The following ZNF783 variants were observed in gnomAD, a reference collection of about 807,000 sequenced individuals.
ZNF783 encodes the protein zinc finger protein 783, also known as protein ZNF783.
ZNF783 carries 25 observed loss-of-function variants against 31.3 expected under a neutral mutation model. The ratio of observed to expected loss-of-function variants is 0.80; its 90% confidence interval spans 0.58 to 1.11. The LOEUF is 1.11. Ranked by LOEUF, ZNF783 falls within the 50% of genes most tolerant of loss-of-function variation. The probability of loss-of-function intolerance (pLI) is 0.00; values close to 1 mark genes in which losing one functional copy is unlikely to be tolerated. For synonymous variants in ZNF783, 369 were observed against 319.1 expected (o/e 1.16, Z -1.66); for missense variants, 797 against 760.0 (o/e 1.05, Z -0.57).
In ZNF783 at chr7:149,266,586, G is replaced by C; in HGVS notation, c.276G>C (p.Leu92=). Reference sequence around the variant, plus strand: ...CAGCTGTGGAGTTCGGGAACCAGCTGGAGGGCAAGTGGGCCGTGCTGGGGA... The same window carrying C: ...CAGCTGTGGAGTTCGGGAACCAGCTCGAGGGCAAGTGGGCCGTGCTGGGGA... ...EKTAVEFGNQ[L]EGKWAVLGTL... is the part of the protein sequence containing the mutation. Residue 92 remains leucine (L), a synonymous_variant, in exon 2 of 6, where the codon CTG becomes CTC. Transcript: ENST00000434415. The C allele has an allele frequency of 6.2e-7, 1 of 1,614,216 alleles. No individual in the cohort carries two copies. The highest frequency in any genetic ancestry group is 8.5e-7 in the Non-Finnish European group (1 of 1,180,052).
In ZNF783 at chr7:149,282,007, G is replaced by A. The variant is rs778999705; in HGVS notation, c.1305G>A (p.Met435Ile). The change falls in exon 6 of 6, where the codon ATG (methionine) becomes ATA (isoleucine). Residue 435 changes from methionine to isoleucine, a missense_variant. Met to Ile is a conservative substitution (Grantham distance 10, BLOSUM62 1). Coordinates refer to ENST00000434415, the MANE Select transcript of ZNF783 (RefSeq NM_001195220.2). ...LVGRRPAASKMYHCSECLRFF... is the reference protein window; with the variant it reads ...LVGRRPAASKIYHCSECLRFF... ...GGCGGCGGCCTGCAGCCAGCAAGAT[G>A]TACCACTGCAGCGAGTGCCTGCGCT... 9 of 1,583,812 alleles carry A rather than the reference G, an allele frequency of 5.7e-6. No individual in the cohort carries two copies. Among genetic ancestry groups the A allele is most frequent in the Middle Eastern group, 3.3e-4 (2 of 5,982 alleles).
In ZNF783 at chr7:149,266,835, A is replaced by G; in HGVS notation, c.437A>G (p.Asp146Gly). 6.2e-7 allele frequency: 1 copy of G among 1,613,980 alleles called. No individual in the cohort carries two copies. Among genetic ancestry groups the G allele is most frequent in the Non-Finnish European group, 8.5e-7 (1 of 1,180,004 alleles). Residue 146 changes from aspartate (D) to glycine (G), a missense_variant, in exon 3 of 6, where the codon GAT (aspartate) becomes GGT (glycine). By Grantham distance (94) the Asp-to-Gly change is moderately conservative (BLOSUM62 -1). Coordinates refer to ENST00000434415, the MANE Select transcript of ZNF783 (RefSeq NM_001195220.2). ...TGGTTCCAGGTGCCCGTGACCTTCGATGATGTGGCCGTGTATTTCTCTGAG... is the reference window on the plus strand; with the variant it reads ...TGGTTCCAGGTGCCCGTGACCTTCGGTGATGTGGCCGTGTATTTCTCTGAG... ...GEAPKVPVTFDDVAVYFSELE... is the reference protein window; with the variant it reads ...GEAPKVPVTFGDVAVYFSELE...
Position 149,281,979 on chromosome 7 carries a change from TG to T in ZNF783, c.1281del (p.Arg428GlyfsTer137). 1 of 1,573,550 alleles carries T rather than the reference TG, an allele frequency of 6.4e-7. No homozygotes were observed. Among genetic ancestry groups the T allele is most frequent in the Non-Finnish European group, 8.6e-7 (1 of 1,167,776 alleles). ...RRSVAGGRAL[V>X]GRRPAASKMY... Reference sequence around the variant, plus strand: ...TCCGTGGCAGGGGGCCGTGCCTTGGTGGGGCGGCGGCCTGCAGCCAGCAAGA... The same window carrying T: ...TCCGTGGCAGGGGGCCGTGCCTTGGTGGGCGGCGGCCTGCAGCCAGCAAGA... On this transcript the variant is annotated frameshift_variant, in exon 6 of 6. Transcript: ENST00000434415. LOFTEE classifies it low-confidence loss of function (END_TRUNC).
At position 149,281,982 on chromosome 7, in the gene ZNF783, G is replaced by A. The variant is rs766989269; in HGVS notation, c.1280G>A (p.Gly427Glu). 4 of 1,575,406 alleles carry A rather than the reference G, an allele frequency of 2.5e-6. No individual in the cohort carries two copies. Among genetic ancestry groups the A allele is most frequent in the Non-Finnish European group, 2.6e-6 (3 of 1,168,952 alleles). Residue 427 changes from glycine to glutamate, a missense_variant, in exon 6 of 6, where the codon GGG becomes GAG. Physicochemically the swap from Gly to Glu is moderately conservative, Grantham distance 98. Transcript: ENST00000434415. ...GTGGCAGGGGGCCGTGCCTTGGTGG[G>A]GCGGCGGCCTGCAGCCAGCAAGATG... The part of the protein sequence containing the change: ...RSVAGGRALV[G>E]RRPAASKMYH...
At chr7:149,272,213 T>C (rs1797224699) in intron 4 of ZNF783, among the ~76,000 whole-genome samples, 1 of 152,062 alleles carries the variant, frequency 6.6e-6, no homozygotes, top group Non-Finnish European at 1.5e-5. Flanking sequence ...CGGGGTTTCA[T>C]CATGTTGGCC....
chr7:149,264,954 G>C (rs141065893), intron 1 of ZNF783, among the ~76,000 whole-genome samples: 4 of 132,756 alleles, frequency 3.0e-5, no homozygotes. Flanking sequence ...AGGGGAGAAG[G>C]CTGGAAGTGG....
Position 149,262,216 on chromosome 7 carries a change from C to G in ZNF783, c.-118C>G, listed in dbSNP as rs922124656. On this transcript the variant is annotated 5_prime_UTR_variant, in exon 1 of 6. Coordinates refer to ENST00000434415, the MANE Select transcript of ZNF783 (RefSeq NM_001195220.2). The stretch of plus-strand genomic sequence containing the variant: ...GGCTCGGGACGCAGTTCGCTGCCGC[C>G]CGGCAGTAGCTCTCAGGTTAGGCGG... 1.0e-6 allele frequency: 1 copy of G among 954,138 alleles called. No homozygotes were observed. The highest frequency in any genetic ancestry group is 1.4e-6 in the Non-Finnish European group (1 of 727,094). The allele number at this position is 954,138 out of a possible 1,614,324, so 59.1% of individuals were successfully genotyped here. A position where few individuals can be genotyped will look rare whatever the true frequency, so the allele number is the denominator to read the frequency against.
In ZNF783 at chr7:149,278,415, A is replaced by G. The variant is rs1585619125; in HGVS notation, c.690A>G (p.Pro230=). The stretch of plus-strand genomic sequence containing the variant: ...ATTCTCCAGGCCTCCCTCCGTATCC[A>G]GAGCACCTCACCAGCCCACTTAGCC... ...RMMGTGLPPY[P]EHLTSPLSPA... Residue 230 remains proline (P), a synonymous_variant, in exon 5 of 6, where the codon CCA becomes CCG. Transcript: ENST00000434415. The G allele has an allele frequency of 1.3e-6, 2 of 1,599,388 alleles. No homozygotes were observed. Among genetic ancestry groups the G allele is most frequent in the East Asian group, 2.2e-5 (1 of 44,854 alleles).
At chr7:149,263,040 T>C (rs1300800104) in intron 1 of ZNF783, among the ~76,000 whole-genome samples, 12 of 152,028 alleles carry the variant, frequency 7.9e-5, no homozygotes, top group Admixed American at 6.5e-4. Flanking sequence ...GGGATTCTCC[T>C]GCCTCAGCCT....
chr7:149,278,597 G>C (rs1797388439), intron 5 of ZNF783, 70 bp downstream of exon 5: 8 of 1,587,048 alleles, frequency 5.0e-6, no homozygotes, highest in Non-Finnish European at 6.8e-6. Flanking sequence ...AAGCGATGGT[G>C]CTGAGGAAAA....
At chr7:149,267,936 A>G (rs12704091) in intron 4 of ZNF783, among the ~76,000 whole-genome samples, 80,342 of 152,030 alleles carry the variant, frequency 0.53, 21,438 homozygotes, top group African/African-American at 0.57. Flanking sequence ...GCAGGAAGGC[A>G]TGTCACGTGC....
chr7:149,278,275 C>T, intron 4 of ZNF783, 124 bp from the exon 5 acceptor site: 1 of 1,494,578 alleles, frequency 6.7e-7, no homozygotes, highest in East Asian at 2.5e-5. Flanking sequence ...ACCTCACTAT[C>T]ATGCCCTGTG....
chr7:149,278,313 G>C, intron 4 of ZNF783, 86 bp from the exon 5 acceptor site: 1 of 1,570,164 alleles, frequency 6.4e-7, no homozygotes, highest in Non-Finnish European at 8.6e-7. Context: ...GGATCGCAGT[G>C]ACTCTGCCTT....
chr7:149,268,390 T>A (rs571222624), intron 4 of ZNF783, among the ~76,000 whole-genome samples: 1 of 152,218 alleles, frequency 6.6e-6, no homozygotes. Context: ...AAAAAACTTA[T>A]GACAATCCCC....
At position 149,284,215 on chromosome 7, in the gene ZNF783, A is replaced by G. The variant is rs531826200; in HGVS notation, c.*1872A>G. The G allele has an allele frequency of 8.1e-4, 124 of 152,428 alleles. No individual in the cohort carries two copies. The highest frequency in any genetic ancestry group is 3.4e-3 in the Middle Eastern group (1 of 296). The allele number at this position is 152,428 out of a possible 1,614,324, so 9.4% of individuals were successfully genotyped here. A position where few individuals can be genotyped will look rare whatever the true frequency, so the allele number is the denominator to read the frequency against. ...CTTGTTTTTTACCGCCTTGTCTGGC[A>G]CTGTGACCACGCTTCAGGGCTGCTT... On this transcript the variant is annotated 3_prime_UTR_variant, in exon 6 of 6. Transcript: ENST00000434415.
chr7:149,271,027 C>T (rs1204469104), intron 4 of ZNF783, among the ~76,000 whole-genome samples: 1 of 152,218 alleles, frequency 6.6e-6, no homozygotes, highest in African/African-American at 2.4e-5. Flanking sequence ...CAAGCTCCAC[C>T]TCCCGGGTTC....
rs56067256 is a variant in ZNF783 at position 149,263,265 on chromosome 7, CGTGTGTGTGTGTGT to C, written c.24+935_24+948del. Among the ~76,000 whole-genome samples the C allele has an allele frequency of 2.0e-3, 241 of 121,436 alleles. 1 individual carries two copies. Among genetic ancestry groups the C allele is most frequent in the Non-Finnish European group, 2.8e-3 (168 of 60,082 alleles). 79.7% of individuals were successfully genotyped at this position (121,436 alleles called of 152,430 possible). On this transcript the variant is annotated intron_variant, in intron 1 of 5. Transcript: ENST00000434415. The stretch of plus-strand genomic sequence containing the variant: ...TTAATTAAAAAAGTATATATATATA[CGTGTGTGTGTGTGT>C]GTGTGTGTGTGTGTGTGTGTGTGTG...
intron 5 of ZNF783, among the ~76,000 whole-genome samples, chr7:149,280,735 G>A (rs1797447055): frequency 6.6e-6 from 1 of 152,160 alleles, no homozygotes; most frequent in South Asian, 2.1e-4. Context: ...TCCCTGAGAG[G>A]GCAGGGTGCC....
chr7:149,264,678 G>C (rs1797021518), intron 1 of ZNF783, among the ~76,000 whole-genome samples: 1 of 152,032 alleles, frequency 6.6e-6, no homozygotes, highest in African/African-American at 2.4e-5. Flanking sequence ...TTTGAGACCA[G>C]CCTGGCCAAT....
Sources: allele counts gnomAD v4.1 joint callset (sites outside exome capture counted in the v4.1 genomes callset), GRCh38; gene constraint gnomAD v4.1.1; transcripts MANE v1.5; gene names NCBI Gene and HGNC (gene_info 2026-07-23, HGNC 2026-07-21).